The following FASTKD1 variants were observed in gnomAD, a reference collection of about 807,000 sequenced individuals.
The protein encoded by FASTKD1 is FAST kinase domains 1, also known as FAST kinase domain-containing protein 1, mitochondrial.
Under a neutral mutation model 90.9 loss-of-function variants are expected in FASTKD1, and 94 were observed. That is an observed-to-expected ratio of 1.03 (90% CI 0.88 to 1.23). The LOEUF (loss-of-function observed/expected upper bound fraction) is 1.23, where lower values mean the gene tolerates loss of function less well. Ranked by LOEUF, FASTKD1 falls within the 50% of genes most tolerant of loss-of-function variation. The pLI, the probability that FASTKD1 is intolerant of heterozygous loss-of-function variation, is 0.00. For missense variants in FASTKD1, 945 were observed against 993.5 expected (o/e 0.95, Z 0.66); for synonymous variants, 319 against 345.8 (o/e 0.92, Z 0.86).
At chr2:169,558,683 T>C (rs1559153843) in intron 5 of FASTKD1, among the ~76,000 whole-genome samples, 2 of 152,118 alleles carry the variant, frequency 1.3e-5, no homozygotes, top group Admixed American at 6.5e-5. Flanking sequence ...ACTCCTGACC[T>C]CAAGTGATCC....
intron 1 of FASTKD1, among the ~76,000 whole-genome samples, chr2:169,572,836 AT>A (rs1002136647): frequency 2.2e-4 from 33 of 152,178 alleles, no homozygotes; most frequent in African/African-American, 7.5e-4. Context: ...AAAAAGAATA[AT>A]TTGTTTTAAA....
chr2:169,566,906 G>A (rs1684015942), intron 3 of FASTKD1, among the ~76,000 whole-genome samples: 1 of 152,120 alleles, frequency 6.6e-6, no homozygotes, highest in Admixed American at 6.5e-5. Flanking sequence ...CACGAGGTCA[G>A]GAGTTTGAGA....
At chr2:169,547,833 C>T (rs1216453096) in intron 7 of FASTKD1, among the ~76,000 whole-genome samples, 5 of 122,862 alleles carry the variant, frequency 4.1e-5, no homozygotes, top group African/African-American at 1.2e-4. Flanking sequence ...TGCAGTGAGC[C>T]AAGATCGTGC....
chr2:169,557,015 A>C (rs67880656), intron 6 of FASTKD1, among the ~76,000 whole-genome samples, 172 bp downstream of exon 6: 4 of 180 alleles, frequency 0.022, no homozygotes, highest in Non-Finnish European at 0.083. Flanking sequence ...TCAAAAAAAC[A>C]AAAAAAAAAA....
chr2:169,564,969 T>G (rs1192733540), intron 3 of FASTKD1, among the ~76,000 whole-genome samples: 2 of 150,320 alleles, frequency 1.3e-5, no homozygotes, highest in Non-Finnish European at 3.0e-5. Flanking sequence ...TTTTTTTTTT[T>G]TGAGACGCAG....
Position 169,529,857 on chromosome 2 carries a change from A to G in FASTKD1, c.2512T>C (p.Cys838Arg). ...CATGACTTGACTTCTCCAAATATAC[A>G]TTCTCTCAGGTAGTCCATCCGAGCA... Reference protein sequence around the residue: ...KDARMDYLRECIFGEVKSCL With the variant: ...KDARMDYLRERIFGEVKSCL Residue 838 changes from cysteine (C) to arginine (R), a missense_variant, in exon 15 of 15, where the codon TGT becomes CGT. Transcript: ENST00000453153. 6.2e-7 allele frequency: 1 copy of G among 1,613,086 alleles called. No homozygotes were observed. The highest frequency in any genetic ancestry group is 8.5e-7 in the Non-Finnish European group (1 of 1,179,460).
In FASTKD1 at chr2:169,560,757, A is replaced by T. The variant is rs1446181868; in HGVS notation, c.601T>A (p.Ser201Thr). 1 of 1,579,272 alleles carries T rather than the reference A, an allele frequency of 6.3e-7. No individual in the cohort carries two copies. The highest frequency in any genetic ancestry group is 2.3e-5 in the East Asian group (1 of 43,904). The change falls in exon 5 of 15, where the codon TCT (serine) becomes ACT (threonine). Residue 201 changes from serine (S) to threonine (T), a missense_variant. Physicochemically the swap from Ser to Thr is moderately conservative, Grantham distance 58 (BLOSUM62 1). Transcript: ENST00000453153. ...TGAAAATGTCGTGATATTAAAGAAG[A>T]TATGTTGACCATCAAGACAGACAAG... ...SSLSVLMVNI[S>T]SLISRHFQQQ...
rs1574358356 is a variant in FASTKD1, at chr2:169,529,648, A to C, written c.*177T>G. On this transcript the variant is annotated 3_prime_UTR_variant, in exon 15 of 15. Coordinates refer to ENST00000453153, the MANE Select transcript of FASTKD1 (RefSeq NM_024622.6). ...TTATCTCTTATCTTTTCTCTTATACACTCCCACCCCACTCCCCACTTGTTC... is the reference window on the plus strand; with the variant it reads ...TTATCTCTTATCTTTTCTCTTATACCCTCCCACCCCACTCCCCACTTGTTC... The C allele has an allele frequency of 1.8e-6, 1 of 548,564 alleles. No homozygotes were observed. The highest frequency in any genetic ancestry group is 3.3e-6 in the Non-Finnish European group (1 of 305,500). The allele number at this position is 548,564 out of a possible 1,614,324, so 34.0% of individuals were successfully genotyped here.
At chr2:169,543,300 C>A (rs1685038483) in intron 9 of FASTKD1, among the ~76,000 whole-genome samples, 1 of 152,048 alleles carries the variant, frequency 6.6e-6, no homozygotes. Flanking sequence ...CCCGTCTCTA[C>A]TAAAAATACA....
intron 5 of FASTKD1, among the ~76,000 whole-genome samples, chr2:169,558,585 G>A (rs1015809128): frequency 7.9e-5 from 12 of 152,126 alleles, no homozygotes; most frequent in Admixed American, 6.6e-4. Context: ...AAGTAGCTGA[G>A]ATTACAGGTG....
chr2:169,538,747 C>G (rs970365060), intron 10 of FASTKD1, among the ~76,000 whole-genome samples: 1 of 150,624 alleles, frequency 6.6e-6, no homozygotes, highest in South Asian at 2.1e-4. Context: ...AGGATTTTAT[C>G]CTAAGGAAAC....
chr2:169,554,816 T>C (rs1227633106), intron 7 of FASTKD1, among the ~76,000 whole-genome samples: 3 of 152,188 alleles, frequency 2.0e-5, no homozygotes, highest in Non-Finnish European at 4.4e-5. Flanking sequence ...TTAACTTTCG[T>C]CAGCAGTCCC....
intron 2 of FASTKD1, chr2:169,570,871 T>G (rs190390045): frequency 3.3e-5 from 5 of 152,288 alleles, no homozygotes; most frequent in Non-Finnish European, 4.4e-5. Context: ...AGGCAGGGTT[T>G]CACCATGTTG....
At chr2:169,534,001 T>C (rs1684608014) in intron 12 of FASTKD1, among the ~76,000 whole-genome samples, 1 of 151,614 alleles carries the variant, frequency 6.6e-6, no homozygotes, top group African/African-American at 2.4e-5. Flanking sequence ...TGAAACCCCA[T>C]CTCTACAAAA....
At chr2:169,560,346 A>T in intron 5 of FASTKD1, 41 bp downstream of exon 5, 1 of 1,489,348 alleles carries the variant, frequency 6.7e-7, no homozygotes, top group Admixed American at 2.4e-5. Flanking sequence ...GGCTCCACGT[A>T]TTCACAACAA....
At chr2:169,572,762 A>G (rs572634018) in intron 1 of FASTKD1, among the ~76,000 whole-genome samples, 5 of 152,290 alleles carry the variant, frequency 3.3e-5, no homozygotes, top group African/African-American at 1.2e-4. Flanking sequence ...ATCAAGAAAT[A>G]CTAAGAAATT....
intron 4 of FASTKD1, among the ~76,000 whole-genome samples, chr2:169,561,898 ATAAATTATTT>A (rs1683667514): frequency 1.4e-5 from 2 of 140,750 alleles, no homozygotes; most frequent in African/African-American, 5.1e-5. Context: ...ATTATTTATT[ATAAATTATTT>A]ATTTATTGTA....
intron 3 of FASTKD1, 47 bp downstream of exon 3, chr2:169,569,137 C>T: frequency 6.6e-7 from 1 of 1,508,056 alleles, no homozygotes; most frequent in Non-Finnish European, 9.2e-7. Flanking sequence ...CTCTGTTAAC[C>T]CTGAAAAGAA....
rs566500235 is a variant in FASTKD1 at position 169,537,578 on chromosome 2, T to C, written c.2075-238A>G. 2.9e-3 allele frequency among the ~76,000 whole-genome samples: 437 copies of C among 152,166 alleles called. 1 individual carries two copies. The highest frequency in any genetic ancestry group is 0.01 in the African/African-American group (429 of 41,504). ...TTTGTATTTTTGTTAGAGATGGGGT[T>C]TCTCCATGTTGGTCAGGCTGGTCTC... On this transcript the variant is annotated intron_variant, in intron 11 of 14. Transcript: ENST00000453153.
Sources: allele counts gnomAD v4.1 joint callset (sites outside exome capture counted in the v4.1 genomes callset), GRCh38; gene constraint gnomAD v4.1.1; transcripts MANE v1.5; gene names NCBI Gene and HGNC (gene_info 2026-07-23, HGNC 2026-07-21).